RAD51: variants seen among roughly 807,000 people sequenced by gnomAD.
The protein encoded by RAD51 is DNA repair protein RAD51 homolog 1.
RAD51 carries 14 observed loss-of-function variants against 41.5 expected under a neutral mutation model. That is an observed-to-expected ratio of 0.34 (90% confidence interval 0.22 to 0.53). RAD51 has a LOEUF of 0.53. RAD51 is among the 20% of genes least tolerant of loss of function. The pLI is 0.95. For missense variants in RAD51, 234 were observed against 422.0 expected (o/e 0.55, Z 3.90); for synonymous variants, 136 against 148.6 (o/e 0.92, Z 0.62).
intron 6 of RAD51, among the ~76,000 whole-genome samples, chr15:40,727,859 TC>T (rs1182169508): frequency 1.5e-5 from 2 of 134,662 alleles, no homozygotes; most frequent in South Asian, 2.6e-4. Flanking sequence ...GTAAACATTC[TC>T]TTTTTTTTTT....
In RAD51 at chr15:40,723,970, TAAAAC is replaced by T. The variant is rs542105591; in HGVS notation, c.531-4738_531-4734del. ...CACACATTTTATGGAAACCCAGTGATAAAACAATTTAATTGTCTGCTGAGATGTCA... is the reference window on the plus strand; with the variant it reads ...CACACATTTTATGGAAACCCAGTGATAATTTAATTGTCTGCTGAGATGTCA... On this transcript the variant is annotated intron_variant, in intron 6 of 9. Transcript: ENST00000267868. 1.6e-4 allele frequency among the ~76,000 whole-genome samples: 24 copies of T among 152,346 alleles called. 1 individual carries two copies. The South Asian group carries it at 5.0e-3, about 32-fold the overall frequency.
intron 2 of RAD51, among the ~76,000 whole-genome samples, chr15:40,699,368 C>T (rs541318292): frequency 2.0e-5 from 3 of 152,342 alleles, no homozygotes; most frequent in South Asian, 4.1e-4. Flanking sequence ...GTCTCGAACT[C>T]CTGACCTCAG....
At chr15:40,715,352 C>T (rs1052598851) in intron 5 of RAD51, among the ~76,000 whole-genome samples, 2 of 116,344 alleles carry the variant, frequency 1.7e-5, no homozygotes, top group Admixed American at 2.0e-4. Context: ...AAGATTCTGT[C>T]TCAAAAAAAA....
At chr15:40,703,935 G>T (rs1054457458) in intron 3 of RAD51, among the ~76,000 whole-genome samples, 1 of 151,906 alleles carries the variant, frequency 6.6e-6, no homozygotes, top group African/African-American at 2.4e-5. Flanking sequence ...GCAGAGTCTT[G>T]TTCTGTCACT....
chr15:40,705,394 A>G (rs114673738), intron 3 of RAD51, among the ~76,000 whole-genome samples: 1 of 152,188 alleles, frequency 6.6e-6, no homozygotes, highest in African/African-American at 2.4e-5. Context: ...CAGCCAGACA[A>G]TATGAAAGAA....
intron 9 of RAD51, among the ~76,000 whole-genome samples, 176 bp downstream of exon 9, chr15:40,730,150 G>T (rs938515126): frequency 1.3e-5 from 2 of 152,112 alleles, no homozygotes; most frequent in African/African-American, 4.8e-5. Context: ...GTTCATAAAA[G>T]AATTAAAAAC....
chr15:40,724,617 C>G (rs1013174946), intron 6 of RAD51, among the ~76,000 whole-genome samples: 1 of 151,560 alleles, frequency 6.6e-6, no homozygotes, highest in African/African-American at 2.4e-5. Flanking sequence ...GTCCCCCCTC[C>G]TCAGTGTAGC....
chr15:40,716,506 C>T (rs1009393360), intron 5 of RAD51, among the ~76,000 whole-genome samples: 1 of 151,954 alleles, frequency 6.6e-6, no homozygotes, highest in African/African-American at 2.4e-5. Flanking sequence ...GCTGGGATTA[C>T]AGGTGTGCAC....
intron 5 of RAD51, among the ~76,000 whole-genome samples, chr15:40,716,227 A>T (rs1329442537): frequency 2.0e-5 from 3 of 152,230 alleles, no homozygotes; most frequent in Non-Finnish European, 4.4e-5. Flanking sequence ...TTTACAGAAA[A>T]GGAAACAATA....
intron 1 of RAD51, among the ~76,000 whole-genome samples, chr15:40,697,707 C>T (rs562772331): frequency 4.6e-4 from 69 of 151,478 alleles, no homozygotes; most frequent in Non-Finnish European, 8.8e-4. Flanking sequence ...CCTGCCACCA[C>T]GCCCAGCTAA....
chr15:40,718,937 A>G (rs1896123681), intron 6 of RAD51, 38 bp downstream of exon 6: 1 of 1,522,788 alleles, frequency 6.6e-7, no homozygotes, highest in Admixed American at 1.7e-5. Flanking sequence ...CTATGGCTAC[A>G]CTTATCAATG....
intron 1 of RAD51, among the ~76,000 whole-genome samples, chr15:40,697,030 C>G (rs1894683498): frequency 6.6e-6 from 1 of 152,162 alleles, no homozygotes; most frequent in South Asian, 2.1e-4. Flanking sequence ...TGTGGTTTGA[C>G]TTGTCACTCT....
chr15:40,698,657 TC>T, intron 1 of RAD51, 99 bp from the exon 2 acceptor site: 9 of 1,168,974 alleles, frequency 7.7e-6, no homozygotes, highest in Non-Finnish European at 1.1e-5. Context: ...CCTTGGCTTT[TC>T]CTAAAGTCTT....
intron 5 of RAD51, among the ~76,000 whole-genome samples, chr15:40,710,822 T>G (rs1184957453): frequency 6.6e-6 from 1 of 152,200 alleles, no homozygotes; most frequent in East Asian, 1.9e-4. Flanking sequence ...TCAATATGAT[T>G]TGGTTACCAT....
At chr15:40,712,015 T>C (rs1895729070) in intron 5 of RAD51, among the ~76,000 whole-genome samples, 1 of 149,924 alleles carries the variant, frequency 6.7e-6, no homozygotes, top group East Asian at 2.0e-4. Flanking sequence ...AAGGTTGCCA[T>C]GAGCCAAGAT....
intron 1 of RAD51, among the ~76,000 whole-genome samples, chr15:40,696,533 C>T (rs1281830981): frequency 6.6e-6 from 1 of 152,180 alleles, no homozygotes; most frequent in Non-Finnish European, 1.5e-5. Flanking sequence ...CAGGCCACTG[C>T]ACTCCAACCT....
chr15:40,705,157 C>G (rs1191453070), intron 3 of RAD51, among the ~76,000 whole-genome samples: 1 of 152,210 alleles, frequency 6.6e-6, no homozygotes, highest in Admixed American at 6.6e-5. Context: ...TCTCTAAGCA[C>G]TGCTTTTCTT....
chr15:40,697,574 CTTTTTT>C (rs11340353), intron 1 of RAD51, among the ~76,000 whole-genome samples: 43 of 105,512 alleles, frequency 4.1e-4, no homozygotes, highest in African/African-American at 1.5e-3. Context: ...GATGATATTT[CTTTTTT>C]TTTTTTTTTT....
At chr15:40,725,519 TGAA>T (rs1199873586) in intron 6 of RAD51, among the ~76,000 whole-genome samples, 2 of 152,168 alleles carry the variant, frequency 1.3e-5, no homozygotes, top group East Asian at 3.8e-4. Flanking sequence ...CGTGCCCTGT[TGAA>T]GAATATTAGC....
Sources: gnomAD v4.1 joint callset for allele counts (sites outside exome capture counted in the v4.1 genomes callset) on GRCh38, gnomAD v4.1.1 for gene constraint, MANE v1.5 for transcripts, NCBI Gene and HGNC (gene_info 2026-07-23, HGNC 2026-07-21) for gene names.